Variants in CNTNAP2 observed in about 807,000 individuals in gnomAD.
CNTNAP2 encodes contactin associated protein 2, also known as contactin-associated protein-like 2.
Under a neutral mutation model 155.2 loss-of-function variants are expected in CNTNAP2, and 98 were observed. The ratio of observed to expected loss-of-function variants is 0.63; its 90% CI spans 0.54 to 0.75. The LOEUF (loss-of-function observed/expected upper bound fraction) is 0.75. Among genes scored for constraint, CNTNAP2 ranks in the 30% least tolerant of loss-of-function variants. The pLI is 0.00. For missense variants in CNTNAP2, 1,727 were observed against 1,688.1 expected (o/e 1.02, Z -0.40); for synonymous variants, 651 against 631.2 (o/e 1.03, Z -0.47).
chr7:147,538,429 A>G (rs1388628480), intron 11 of CNTNAP2, among the ~76,000 whole-genome samples: 1 of 152,190 alleles, frequency 6.6e-6, no homozygotes, highest in Admixed American at 6.5e-5. Flanking sequence ...AGGAGGAAGG[A>G]TCACTTGAAG....
At chr7:147,438,833 G>A (rs1456815829) in intron 10 of CNTNAP2, among the ~76,000 whole-genome samples, 5 of 151,870 alleles carry the variant, frequency 3.3e-5, no homozygotes, top group South Asian at 2.1e-4. Context: ...TATGTGTCTG[G>A]GAATTTGTCC....
At chr7:146,133,845 T>C (rs1584765358) in intron 1 of CNTNAP2, among the ~76,000 whole-genome samples, 1 of 152,062 alleles carries the variant, frequency 6.6e-6, no homozygotes, top group African/African-American at 2.4e-5. Context: ...AGTCAGGTAG[T>C]GTGATGCCTC....
chr7:147,619,633 G>A (rs879468111), intron 12 of CNTNAP2, among the ~76,000 whole-genome samples: 1 of 152,218 alleles, frequency 6.6e-6, no homozygotes, highest in Non-Finnish European at 1.5e-5. Flanking sequence ...GCTGCATCTT[G>A]TGGCTTGAGT....
chr7:148,296,708 C>T (rs957430768), intron 21 of CNTNAP2, among the ~76,000 whole-genome samples: 1 of 152,144 alleles, frequency 6.6e-6, no homozygotes, highest in Non-Finnish European at 1.5e-5. Flanking sequence ...TCCTCCCACA[C>T]GATGGTGCCC....
At chr7:148,128,056 G>T (rs981875563) in intron 16 of CNTNAP2, among the ~76,000 whole-genome samples, 2 of 152,012 alleles carry the variant, frequency 1.3e-5, no homozygotes, top group African/African-American at 4.8e-5. Flanking sequence ...TTTTTGTGGA[G>T]ACGGGGTTTC....
chr7:147,215,423 T>C (rs574562185), intron 8 of CNTNAP2, among the ~76,000 whole-genome samples: 1 of 152,314 alleles, frequency 6.6e-6, no homozygotes, highest in Admixed American at 6.5e-5. Context: ...GCCTTGTCCA[T>C]AGTGTCACAT....
At chr7:147,807,980 CT>C (rs140883778) in intron 13 of CNTNAP2, among the ~76,000 whole-genome samples, 8 of 150,948 alleles carry the variant, frequency 5.3e-5, no homozygotes, top group African/African-American at 1.7e-4. Context: ...TGTTCACTTT[CT>C]TTTTTAAAAA....
At chr7:147,395,290 C>T (rs1358717470) in intron 9 of CNTNAP2, among the ~76,000 whole-genome samples, 1 of 151,926 alleles carries the variant, frequency 6.6e-6, no homozygotes, top group African/African-American at 2.4e-5. Context: ...GAAAGAATAA[C>T]AGTGAGTCTT....
chr7:146,177,202 G>T (rs955604822), intron 1 of CNTNAP2, among the ~76,000 whole-genome samples: 1 of 152,208 alleles, frequency 6.6e-6, no homozygotes, highest in African/African-American at 2.4e-5. Flanking sequence ...CATCTGGACA[G>T]TATTGAAGGG....
intron 15 of CNTNAP2, among the ~76,000 whole-genome samples, chr7:148,012,120 G>C (rs1365064391): frequency 6.6e-6 from 1 of 152,132 alleles, no homozygotes; most frequent in Non-Finnish European, 1.5e-5. Context: ...ATGTTGCTTT[G>C]TTGCCCAGGC....
intron 12 of CNTNAP2, among the ~76,000 whole-genome samples, chr7:147,609,180 A>G (rs941021336): frequency 6.6e-6 from 1 of 152,168 alleles, no homozygotes; most frequent in Non-Finnish European, 1.5e-5. Flanking sequence ...AAAATCTGCA[A>G]AAGTTAAAAC....
chr7:146,264,830 C>T (rs1563013928), intron 1 of CNTNAP2, among the ~76,000 whole-genome samples: 1 of 152,162 alleles, frequency 6.6e-6, no homozygotes, highest in Non-Finnish European at 1.5e-5. Flanking sequence ...ATAGGGGGAT[C>T]GCAGCCTATG....
Position 148,229,738 on chromosome 7 carries a change from A to G in CNTNAP2, c.3340A>G (p.Ser1114Gly), listed in dbSNP as rs983036503. Residue 1114 changes from serine (S) to glycine (G), a missense_variant, in exon 20 of 24, where the codon AGT becomes GGT. By Grantham distance (56) the Ser-to-Gly change is moderately conservative (BLOSUM62 0). Coordinates refer to ENST00000361727, the MANE Select transcript of CNTNAP2 (RefSeq NM_014141.6). ...GAACATGGCCAATGGACAGCCCCACAGTGTCAACATCACCCGCCACGAGAA... is the reference window on the plus strand; with the variant it reads ...GAACATGGCCAATGGACAGCCCCACGGTGTCAACATCACCCGCCACGAGAA... ...HRNMANGQPH[S>G]VNITRHEKTI... The G allele has an allele frequency of 1.2e-6, 2 of 1,614,152 alleles. No homozygotes were observed. Among genetic ancestry groups the G allele is most frequent in the Non-Finnish European group, 1.7e-6 (2 of 1,180,010 alleles).
At chr7:147,335,396 T>G (rs1795647264) in intron 9 of CNTNAP2, among the ~76,000 whole-genome samples, 1 of 152,158 alleles carries the variant, frequency 6.6e-6, no homozygotes, top group Non-Finnish European at 1.5e-5. Flanking sequence ...ATGAAGAAAT[T>G]ACACATAATT....
At chr7:148,273,938 G>A (rs1796826449) in intron 21 of CNTNAP2, among the ~76,000 whole-genome samples, 1 of 151,924 alleles carries the variant, frequency 6.6e-6, no homozygotes, top group African/African-American at 2.4e-5. Flanking sequence ...AAACTTTCTG[G>A]AGCTTTGGCA....
chr7:147,412,017 T>C (rs994751962), intron 10 of CNTNAP2, among the ~76,000 whole-genome samples: 1 of 152,208 alleles, frequency 6.6e-6, no homozygotes, highest in Non-Finnish European at 1.5e-5. Flanking sequence ...GTTATCAAAC[T>C]TCAGGCTTAG....
intron 2 of CNTNAP2, among the ~76,000 whole-genome samples, chr7:146,791,840 G>C (rs1190653244): frequency 6.6e-6 from 1 of 152,176 alleles, no homozygotes. Flanking sequence ...TTCTCACTGA[G>C]CCTGAGATCT....
chr7:147,734,964 C>T (rs1353278462), intron 13 of CNTNAP2, among the ~76,000 whole-genome samples: 1 of 146,818 alleles, frequency 6.8e-6, no homozygotes, highest in Admixed American at 7.1e-5. Flanking sequence ...TTTCAAAAAA[C>T]CAGCTCCTGG....
intron 10 of CNTNAP2, among the ~76,000 whole-genome samples, chr7:147,433,695 G>A (rs1365335368): frequency 6.6e-6 from 1 of 152,050 alleles, no homozygotes; most frequent in Admixed American, 6.5e-5. Flanking sequence ...CGTGTCCTAC[G>A]AACTACAAAA....
Sources: allele counts gnomAD v4.1 joint callset (sites outside exome capture counted in the v4.1 genomes callset), GRCh38; gene constraint gnomAD v4.1.1; transcripts MANE v1.5; gene names NCBI Gene and HGNC (gene_info 2026-07-23, HGNC 2026-07-21).